BUD23: variants seen among roughly 807,000 people sequenced by gnomAD.
BUD23 encodes 18S rRNA (guanine-N(7))-methyltransferase.
BUD23 carries 34 observed loss-of-function variants against 47.0 expected under a neutral mutation model. That is an observed-to-expected ratio of 0.72 (90% CI 0.55 to 0.96). The LOEUF (loss-of-function observed/expected upper bound fraction) is 0.96, where lower values mean the gene tolerates loss of function less well. BUD23 is among the 40% of genes least tolerant of loss of function. The pLI is 0.00. For synonymous variants in BUD23, 124 were observed against 132.0 expected, an observed-to-expected ratio of 0.94 and a Z score of 0.41; for missense variants, 343 against 361.2, an observed-to-expected ratio of 0.95 and a Z score of 0.41.
At chr7:73,688,842 A>G (rs1798079776) in intron 5 of BUD23, among the ~76,000 whole-genome samples, 1 of 152,160 alleles carries the variant, frequency 6.6e-6, no homozygotes, top group African/African-American at 2.4e-5. Flanking sequence ...GGTGAGAGGT[A>G]AAAATTCAGA....
chr7:73,692,883 G>A (rs1379805414), intron 7 of BUD23: 7 of 557,488 alleles, frequency 1.3e-5, no homozygotes, highest in East Asian at 2.9e-5. Flanking sequence ...AAGGTGATGC[G>A]ACTGATTTCC....
At chr7:73,694,295 C>G in intron 10 of BUD23, 1 of 446,670 alleles carries the variant, frequency 2.2e-6, no homozygotes, top group East Asian at 4.0e-5. Flanking sequence ...TGCCCCTTCC[C>G]CTTGCCACGC....
rs1041807962 is a variant in BUD23, at chr7:73,693,547, C to T, written c.597-77C>T. Reference sequence around the variant, plus strand: ...AGGGTCCAGGCAGGCGGAGGGGGTGCGGGTGGGGGAGCTGAGGGCTTGTCT... The same window carrying T: ...AGGGTCCAGGCAGGCGGAGGGGGTGTGGGTGGGGGAGCTGAGGGCTTGTCT... On this transcript the variant is annotated intron_variant, in intron 8 of 11. Transcript: ENST00000265758. 1.4e-5 allele frequency: 22 copies of T among 1,589,372 alleles called. No individual in the cohort carries two copies. In the African/African-American group the frequency reaches 1.8e-4, roughly 13 times the overall value.
intron 8 of BUD23, 81 bp downstream of exon 8, chr7:73,693,495 C>G: frequency 3.1e-6 from 5 of 1,596,404 alleles, no homozygotes; most frequent in Non-Finnish European, 4.3e-6. Flanking sequence ...CTCAGTGGTG[C>G]AGAGGAGTGC....
chr7:73,690,190 A>T (rs1233402489), intron 5 of BUD23, among the ~76,000 whole-genome samples: 1 of 152,092 alleles, frequency 6.6e-6, no homozygotes, highest in Non-Finnish European at 1.5e-5. Flanking sequence ...TTTTTAGTAG[A>T]GACGGGGTTT....
chr7:73,693,027 A>T lies in BUD23; in HGVS notation c.511-302A>T, dbSNP rs575274717. 65 of 552,140 alleles carry T rather than the reference A, an allele frequency of 1.2e-4. No individual in the cohort carries two copies. In the East Asian group the frequency reaches 1.9e-3, roughly 17 times the overall value. The allele number at this position is 552,140 out of a possible 1,614,324, so 34.2% of individuals were successfully genotyped here. ...GATAAGTGAAGAGCTGTTCCTGACT[A>T]ATAACATGAATGACTCTGGATTCCA... is the stretch of plus-strand genomic sequence containing the variant. On this transcript the variant is annotated intron_variant, in intron 7 of 11. Transcript: ENST00000265758.
intron 2 of BUD23, among the ~76,000 whole-genome samples, chr7:73,684,936 A>C (rs1554612636): frequency 1.3e-5 from 1 of 77,108 alleles, no homozygotes; most frequent in Non-Finnish European, 3.6e-5. Context: ...AAAAAAAAAA[A>C]AAAAAAAAAA....
At chr7:73,683,916 G>T (rs1554612290) in intron 2 of BUD23, 112 bp downstream of exon 2, 2 of 1,597,824 alleles carry the variant, frequency 1.3e-6, no homozygotes, top group Non-Finnish European at 1.7e-6. Flanking sequence ...GGGAAGGGAA[G>T]GACCCGGGTG....
Position 73,693,421 on chromosome 7 carries a change from G to A in BUD23, c.596+7G>A, listed in dbSNP as rs1554614362. The A allele has an allele frequency of 5.6e-6, 9 of 1,614,100 alleles. No individual in the cohort carries two copies. Among genetic ancestry groups the A allele is most frequent in the East Asian group, 2.2e-5 (1 of 44,880 alleles). On this transcript the variant is annotated splice_region_variant and intron_variant, in intron 8 of 11. Coordinates refer to ENST00000265758, the MANE Select transcript of BUD23 (RefSeq NM_017528.5). ...ACAGTGCCAAAGCAAAGAAGTGAGC[G>A]CTGGGGGCCGGTGTGCTGCCTGGGC...
Position 73,693,562 on chromosome 7 carries a change from A to AG in BUD23, c.597-59dup, listed in dbSNP as rs782376041. 2,349 of 1,609,948 alleles carry AG rather than the reference A, an allele frequency of 1.5e-3. 5 individuals carry two copies. Among genetic ancestry groups the AG allele is most frequent in the Non-Finnish European group, 1.8e-3 (2,153 of 1,176,338 alleles). On this transcript the variant is annotated intron_variant, in intron 8 of 11. Coordinates refer to ENST00000265758, the MANE Select transcript of BUD23 (RefSeq NM_017528.5). ...GGAGGGGGTGCGGGTGGGGGAGCTG[A>AG]GGGCTTGTCTCCCTGTGGGGCTTTC... is the stretch of plus-strand genomic sequence containing the variant.
chr7:73,692,474 T>TA (rs1437317637), intron 6 of BUD23, 122 bp from the exon 7 acceptor site: 16 of 930,790 alleles, frequency 1.7e-5, no homozygotes, highest in Non-Finnish European at 2.6e-5. Flanking sequence ...TCCCCAGCCC[T>TA]AACAATGCCT....
chr7:73,693,582 G>T (rs782122721), intron 8 of BUD23, 42 bp from the exon 9 acceptor site: 8 of 1,613,620 alleles, frequency 5.0e-6, no homozygotes, highest in Middle Eastern at 3.3e-4. Flanking sequence ...TCCCTGTGGG[G>T]CTTTCTCCAC....
At chr7:73,688,655 G>C (rs542519510) in intron 5 of BUD23, among the ~76,000 whole-genome samples, 2 of 152,344 alleles carry the variant, frequency 1.3e-5, no homozygotes, top group South Asian at 4.1e-4. Flanking sequence ...ACAGATCTTA[G>C]AATGTTAAAA....
intron 8 of BUD23, 63 bp from the exon 9 acceptor site, chr7:73,693,561 G>A (rs377195079): frequency 5.0e-6 from 8 of 1,609,444 alleles, no homozygotes; most frequent in Admixed American, 1.7e-5. Context: ...TGGGGGAGCT[G>A]AGGGCTTGTC....
chr7:73,685,531 G>C (rs1171224520), intron 2 of BUD23, among the ~76,000 whole-genome samples: 1 of 152,108 alleles, frequency 6.6e-6, no homozygotes, highest in Non-Finnish European at 1.5e-5. Flanking sequence ...CTCGCCTCCC[G>C]GGTAGTTGGA....
chr7:73,693,496 A>G lies in BUD23; in HGVS notation c.596+82A>G, dbSNP rs1798272573. 3 of 1,596,140 alleles carry G rather than the reference A, an allele frequency of 1.9e-6. No individual in the cohort carries two copies. In the Admixed American group the frequency reaches 5.0e-5, roughly 27 times the overall value. ...GCCCTTTCAGGCCACTCAGTGGTGC[A>G]GAGGAGTGCTGGGGTGTGGGTCACC... is the stretch of plus-strand genomic sequence containing the variant. On this transcript the variant is annotated intron_variant, in intron 8 of 11. Transcript: ENST00000265758.
intron 5 of BUD23, among the ~76,000 whole-genome samples, chr7:73,689,558 A>G (rs1429518467): frequency 6.6e-6 from 1 of 152,058 alleles, no homozygotes; most frequent in Non-Finnish European, 1.5e-5. Context: ...CCTTGGGTGG[A>G]GGGGCTGCAC....
In BUD23 at chr7:73,698,138, A is replaced by AG. The variant is rs1175091310; in HGVS notation, c.*252_*253insG. ...TAATGAAACTTCCTTTCCAGGGAGG[A>AG]AAAAAAAAAAAAAAAAAAGCTCTGA... On this transcript the variant is annotated 3_prime_UTR_variant, in exon 12 of 12. Transcript: ENST00000265758. The AG allele has an allele frequency of 1.0e-5, 2 of 198,790 alleles. No individual in the cohort carries two copies. The highest frequency in any genetic ancestry group is 5.1e-5 in the African/African-American group (2 of 39,354). The allele number at this position is 198,790 out of a possible 1,614,324, so 12.3% of individuals were successfully genotyped here.
intron 5 of BUD23, among the ~76,000 whole-genome samples, chr7:73,687,774 C>T (rs1390434780): frequency 6.6e-6 from 1 of 152,108 alleles, no homozygotes; most frequent in Non-Finnish European, 1.5e-5. Context: ...ATACACATCC[C>T]ATGGGATTTT....
Sources: gnomAD v4.1 joint callset for allele counts (sites outside exome capture counted in the v4.1 genomes callset) on GRCh38, gnomAD v4.1.1 for gene constraint, MANE v1.5 for transcripts, NCBI Gene and HGNC (gene_info 2026-07-23, HGNC 2026-07-21) for gene names.